LAMB4: variants seen among roughly 807,000 people sequenced by gnomAD.
LAMB4 encodes the protein laminin subunit beta-4.
Under a neutral mutation model 199.2 loss-of-function variants are expected in LAMB4, and 196 were observed. The ratio of observed to expected loss-of-function variants is 0.98; its 90% CI spans 0.88 to 1.11. The LOEUF is 1.11. LAMB4 is among the 50% of genes least tolerant of loss of function. LAMB4 has a pLI of 0.00. For synonymous variants in LAMB4, 744 were observed against 770.6 expected (o/e 0.97, Z 0.57); for missense variants, 2,080 against 2,171.2 (o/e 0.96, Z 0.83).
Position 108,082,947 on chromosome 7 carries a change from G to A in LAMB4, c.1702-3161C>T, listed in dbSNP as rs62468027. On this transcript the variant is annotated intron_variant, in intron 14 of 33. Transcript: ENST00000388781. The stretch of plus-strand genomic sequence containing the variant: ...GAAGTCAATTACCACAAATTTAACC[G>A]TGGTATAGTCCCACTTGCAGCTGTT... 1.6e-3 allele frequency among the ~76,000 whole-genome samples: 238 copies of A among 152,310 alleles called. 1 individual carries two copies. The highest frequency in any genetic ancestry group is 2.7e-3 in the Non-Finnish European group (186 of 68,024).
intron 26 of LAMB4, 62 bp from the exon 27 acceptor site, chr7:108,049,593 T>G (rs1467094461): frequency 5.6e-6 from 5 of 892,288 alleles, no homozygotes; most frequent in Non-Finnish European, 8.4e-6. Flanking sequence ...TATATATAAG[T>G]TATTAAGATA....
intron 2 of LAMB4, among the ~76,000 whole-genome samples, chr7:108,117,398 T>C (rs17155006): frequency 0.49 from 74,934 of 152,042 alleles, 18,870 homozygotes; most frequent in Admixed American, 0.56. Flanking sequence ...ATCTAATACA[T>C]TTTGGTAAGC....
Position 108,066,523 on chromosome 7 carries a change from C to T in LAMB4, c.2524G>A (p.Val842Met). 4 of 1,614,052 alleles carry T rather than the reference C, an allele frequency of 2.5e-6. No homozygotes were observed. The highest frequency in any genetic ancestry group is 3.4e-6 in the Non-Finnish European group (4 of 1,179,984). ...CAGCGATCACAGCGGCGGCCAGACACCTCTCCATGGCAGGGGCACTGTCCT... is the reference window on the plus strand; with the variant it reads ...CAGCGATCACAGCGGCGGCCAGACATCTCTCCATGGCAGGGGCACTGTCCT... ...VTGQCPCHGE[V>M]SGRRCDRCLA... The change falls in exon 20 of 34, where the codon GTG becomes ATG. Residue 842 changes from valine (V) to methionine (M), a missense_variant. Transcript: ENST00000388781.
rs1250689925 is a variant in LAMB4, at chr7:108,052,260, A to G, written c.3756-3T>C. 3.8e-6 allele frequency: 6 copies of G among 1,579,842 alleles called. No homozygotes were observed. Among genetic ancestry groups the G allele is most frequent in the African/African-American group, 1.3e-5 (1 of 74,186 alleles). On this transcript the variant is annotated splice_polypyrimidine_tract_variant and splice_region_variant and intron_variant, in intron 25 of 33. Transcript: ENST00000388781. ...CATTTAGCTGCATGATTTGTCTTCT[A>G]TAGAGGAAATAAGGGTAAATGTAGT...
chr7:108,109,964 G>A (rs1018076163), intron 4 of LAMB4, among the ~76,000 whole-genome samples: 16 of 152,226 alleles, frequency 1.1e-4, no homozygotes, highest in Non-Finnish European at 1.5e-5. Flanking sequence ...AAAGAAACAG[G>A]TAAATTTGTT....
chr7:108,040,325 G>T (rs1312587397), intron 29 of LAMB4, among the ~76,000 whole-genome samples: 1 of 152,118 alleles, frequency 6.6e-6, no homozygotes, highest in Non-Finnish European at 1.5e-5. Context: ...CATTAAAATG[G>T]CTATACTGCC....
At chr7:108,079,938 G>C in intron 14 of LAMB4, 152 bp from the exon 15 acceptor site, 1 of 573,902 alleles carries the variant, frequency 1.7e-6, no homozygotes, top group Non-Finnish European at 3.0e-6. Context: ...GCAGGATACA[G>C]TCCAGAATCC....
intron 16 of LAMB4, among the ~76,000 whole-genome samples, chr7:108,077,325 T>A (rs966735031): frequency 6.6e-6 from 1 of 152,084 alleles, no homozygotes; most frequent in African/African-American, 2.4e-5. Context: ...ATGACAGCTC[T>A]GGGGAAAGGA....
At chr7:108,075,808 A>C (rs2036678693) in intron 17 of LAMB4, 1 of 155,038 alleles carries the variant, frequency 6.5e-6, no homozygotes, top group East Asian at 1.9e-4. Flanking sequence ...AAAAATACAA[A>C]AATTAGCCAG....
intron 19 of LAMB4, among the ~76,000 whole-genome samples, chr7:108,067,241 CA>C (rs1195493428): frequency 1.3e-5 from 2 of 152,238 alleles, no homozygotes; most frequent in African/African-American, 4.8e-5. Context: ...ATGATGGATC[CA>C]ATGATGGGCT....
chr7:108,062,227 G>A (rs1453148333), intron 23 of LAMB4, among the ~76,000 whole-genome samples: 1 of 152,140 alleles, frequency 6.6e-6, no homozygotes, highest in Non-Finnish European at 1.5e-5. Flanking sequence ...TATCTATGTA[G>A]TATTAGTTGT....
intron 9 of LAMB4, 132 bp from the exon 10 acceptor site, chr7:108,103,364 C>G: frequency 3.0e-6 from 2 of 676,894 alleles, no homozygotes; most frequent in Non-Finnish European, 4.7e-6. Context: ...TATAGATGCA[C>G]CAAGCAAACA....
At chr7:108,030,592 G>C (rs896302219) in intron 32 of LAMB4, among the ~76,000 whole-genome samples, 2 of 152,126 alleles carry the variant, frequency 1.3e-5, no homozygotes, top group African/African-American at 4.8e-5. Context: ...GAGAGATGGG[G>C]GAGGAAACAC....
chr7:108,091,590 AAC>A (rs1563083809), intron 14 of LAMB4, 34 bp downstream of exon 14: 1 of 1,597,518 alleles, frequency 6.3e-7, no homozygotes. Context: ...CATATCATCA[AAC>A]ACAGTCTGTA....
At chr7:108,059,920 G>A (rs996845171) in intron 23 of LAMB4, among the ~76,000 whole-genome samples, 4 of 152,128 alleles carry the variant, frequency 2.6e-5, no homozygotes, top group African/African-American at 7.2e-5. Flanking sequence ...ATTAGCTTAC[G>A]GCTTTGTAAT....
rs1207456579 is a variant in LAMB4 at position 108,096,767 on chromosome 7, CAA to C, written c.1361-1432_1361-1431del. On this transcript the variant is annotated intron_variant, in intron 11 of 33. Transcript: ENST00000388781. ...GGAAACACAGTGAGACTCCGTCTCT[CAA>C]AAAAAAAAAAAAAAAAAATTAGATG... Among the ~76,000 whole-genome samples the C allele has an allele frequency of 7.1e-3, 480 of 67,540 alleles. 4 individuals are homozygous for C. Among genetic ancestry groups the C allele is most frequent in the African/African-American group, 0.023 (441 of 19,504 alleles). The allele number at this position is 67,540 out of a possible 152,430, so 44.3% of individuals were successfully genotyped here.
chr7:108,032,117 C>T (rs1207911302), intron 31 of LAMB4, among the ~76,000 whole-genome samples: 7 of 152,090 alleles, frequency 4.6e-5, no homozygotes, highest in East Asian at 1.9e-4. Flanking sequence ...TGGCTGGGCA[C>T]GGTGGTTTAC....
chr7:108,128,593 C>T (rs2038876060), intron 1 of LAMB4, among the ~76,000 whole-genome samples: 1 of 152,104 alleles, frequency 6.6e-6, no homozygotes, highest in Admixed American at 6.6e-5. Flanking sequence ...GAGCTAAGCT[C>T]CAAACTAGAT....
intron 14 of LAMB4, among the ~76,000 whole-genome samples, chr7:108,081,565 T>C (rs1317970198): frequency 1.3e-5 from 2 of 152,260 alleles, no homozygotes; most frequent in African/African-American, 2.4e-5. Context: ...CTAGGGCACC[T>C]GACTTGACAT....
Sources: allele counts gnomAD v4.1 joint callset (sites outside exome capture counted in the v4.1 genomes callset), GRCh38; gene constraint gnomAD v4.1.1; transcripts MANE v1.5; gene names NCBI Gene and HGNC (gene_info 2026-07-23, HGNC 2026-07-21).